Variants in KCNT2 observed in about 807,000 individuals in gnomAD.
The protein encoded by KCNT2 is potassium channel subfamily T member 2.
In KCNT2, 67 loss-of-function variants were observed where a neutral mutation model predicts 153.8. The ratio of observed to expected loss-of-function variants is 0.44; its 90% confidence interval spans 0.36 to 0.53. The LOEUF is 0.53. Among genes scored for constraint, KCNT2 ranks in the 20% least tolerant of loss-of-function variants. The probability of loss-of-function intolerance (pLI) is 0.00; values close to 1 mark genes in which losing one functional copy is unlikely to be tolerated. For synonymous variants in KCNT2, 500 were observed against 458.8 expected, an observed-to-expected ratio of 1.09 and a Z score of -1.15; for missense variants, 975 against 1,354.8, an observed-to-expected ratio of 0.72 and a Z score of 4.40.
At chr1:196,324,943 G>C (rs1032697112) in intron 19 of KCNT2, among the ~76,000 whole-genome samples, 2 of 152,062 alleles carry the variant, frequency 1.3e-5, no homozygotes, top group African/African-American at 4.8e-5. Context: ...GAAAGGGATT[G>C]ATTTGGTTAT....
At chr1:196,246,354 C>T (rs981741227) in intron 26 of KCNT2, among the ~76,000 whole-genome samples, 3 of 152,076 alleles carry the variant, frequency 2.0e-5, no homozygotes, top group African/African-American at 7.2e-5. Flanking sequence ...CAACACCAGA[C>T]CTGCTATAAG....
intron 26 of KCNT2, among the ~76,000 whole-genome samples, chr1:196,239,509 AGAT>A (rs1312358539): frequency 6.6e-6 from 1 of 152,022 alleles, no homozygotes; most frequent in African/African-American, 2.4e-5. Flanking sequence ...TTGTGTAAAT[AGAT>A]CACATTAGAA....
intron 1 of KCNT2, among the ~76,000 whole-genome samples, chr1:196,564,545 A>G (rs1212967761): frequency 6.6e-6 from 1 of 151,912 alleles, no homozygotes; most frequent in African/African-American, 2.4e-5. Context: ...AGTCAACTCA[A>G]TCTTCAGCAA....
chr1:196,289,507 T>C (rs562711815), intron 22 of KCNT2, among the ~76,000 whole-genome samples: 3 of 152,224 alleles, frequency 2.0e-5, no homozygotes, highest in South Asian at 4.1e-4. Context: ...TTTCTACTTA[T>C]GTTAGCGGCC....
intron 20 of KCNT2, among the ~76,000 whole-genome samples, chr1:196,318,057 G>A (rs1662906516): frequency 6.7e-6 from 1 of 149,932 alleles, no homozygotes; most frequent in South Asian, 2.1e-4. Flanking sequence ...CATAATTTCT[G>A]CAAGGCCATT....
chr1:196,580,002 A>T (rs961681585), intron 1 of KCNT2, among the ~76,000 whole-genome samples: 1 of 152,166 alleles, frequency 6.6e-6, no homozygotes, highest in Non-Finnish European at 1.5e-5. Context: ...TCCAACCTAG[A>T]AATGTTTCCA....
At chr1:196,438,886 G>T (rs1354883258) in intron 8 of KCNT2, among the ~76,000 whole-genome samples, 2 of 151,278 alleles carry the variant, frequency 1.3e-5, no homozygotes, top group East Asian at 2.0e-4. Context: ...AAATCCAATA[G>T]AATTTTCTCT....
At chr1:196,370,022 A>G (rs1231724576) in intron 14 of KCNT2, among the ~76,000 whole-genome samples, 2 of 152,168 alleles carry the variant, frequency 1.3e-5, no homozygotes, top group East Asian at 3.9e-4. Context: ...ACAATGAGAT[A>G]CCATCTCACA....
chr1:196,562,963 A>T (rs1659617034), intron 1 of KCNT2, among the ~76,000 whole-genome samples: 1 of 152,008 alleles, frequency 6.6e-6, no homozygotes, highest in African/African-American at 2.4e-5. Context: ...TGTGTAGAAA[A>T]TTAACATAAA....
At chr1:196,259,925 C>T (rs1656853071) in intron 25 of KCNT2, among the ~76,000 whole-genome samples, 1 of 151,806 alleles carries the variant, frequency 6.6e-6, no homozygotes, top group Admixed American at 6.6e-5. Context: ...AAAATTTTAA[C>T]TCTATTCTCA....
At chr1:196,301,892 A>C (rs1225752090) in intron 22 of KCNT2, among the ~76,000 whole-genome samples, 1 of 152,008 alleles carries the variant, frequency 6.6e-6, no homozygotes, top group Non-Finnish European at 1.5e-5. Flanking sequence ...GGTGCACACC[A>C]CCAGGCCTGG....
chr1:196,292,657 A>G lies in KCNT2; in HGVS notation c.2596-6899T>C, dbSNP rs564287121. Among the ~76,000 whole-genome samples the G allele has an allele frequency of 2.4e-4, 37 of 152,142 alleles. 1 individual carries two copies. In the South Asian group the frequency reaches 7.3e-3, roughly 30 times the overall value. On this transcript the variant is annotated intron_variant, in intron 22 of 27. Coordinates refer to ENST00000294725, the MANE Select transcript of KCNT2 (RefSeq NM_198503.5). ...CCGTCTCTACTGAAAATACAAAAAA[A>G]TTAGCCGGGCGCCTTGGCGGGCGCC...
intron 14 of KCNT2, among the ~76,000 whole-genome samples, chr1:196,372,782 A>G (rs1318914015): frequency 6.6e-6 from 1 of 151,914 alleles, no homozygotes; most frequent in East Asian, 1.9e-4. Flanking sequence ...TATACTAATA[A>G]CTGTGAGAAT....
At chr1:196,338,021 T>C (rs1177045397) in intron 16 of KCNT2, among the ~76,000 whole-genome samples, 1 of 152,066 alleles carries the variant, frequency 6.6e-6, no homozygotes, top group Non-Finnish European at 1.5e-5. Context: ...TTTGGGTACA[T>C]ATTAGGCACA....
chr1:196,520,050 A>T (rs1410175167), intron 1 of KCNT2, among the ~76,000 whole-genome samples: 1 of 152,154 alleles, frequency 6.6e-6, no homozygotes, highest in African/African-American at 2.4e-5. Context: ...GTATGCAAAA[A>T]TTGTCAACAA....
At chr1:196,454,985 G>C (rs563354313) in intron 8 of KCNT2, among the ~76,000 whole-genome samples, 2 of 152,036 alleles carry the variant, frequency 1.3e-5, no homozygotes, top group South Asian at 2.1e-4. Flanking sequence ...CTAAAGTACT[G>C]TTTCCTCCCT....
At chr1:196,582,253 T>C (rs1323566134) in intron 1 of KCNT2, among the ~76,000 whole-genome samples, 1 of 152,014 alleles carries the variant, frequency 6.6e-6, no homozygotes, top group Non-Finnish European at 1.5e-5. Context: ...TTAACTTCTC[T>C]ATGCCTGTTT....
chr1:196,278,676 T>C (rs1199431567), intron 25 of KCNT2, among the ~76,000 whole-genome samples: 1 of 152,128 alleles, frequency 6.6e-6, no homozygotes, highest in Non-Finnish European at 1.5e-5. Context: ...AATACTGACA[T>C]GGACATGGAG....
At chr1:196,338,991 G>A (rs561732891) in intron 16 of KCNT2, among the ~76,000 whole-genome samples, 1 of 145,514 alleles carries the variant, frequency 6.9e-6, no homozygotes, top group Non-Finnish European at 1.5e-5. Context: ...GGAGAAAAAC[G>A]GTGTTGAATG....
Sources: gnomAD v4.1 joint callset for allele counts (sites outside exome capture counted in the v4.1 genomes callset) on GRCh38, gnomAD v4.1.1 for gene constraint, MANE v1.5 for transcripts, NCBI Gene and HGNC (gene_info 2026-07-23, HGNC 2026-07-21) for gene names.